SERTAD1: variants seen among roughly 807,000 people sequenced by gnomAD.
SERTAD1 encodes the protein SERTA domain-containing protein 1.
In SERTAD1, 5 loss-of-function variants were observed where a neutral mutation model predicts 11.7. The observed-to-expected ratio is 0.43, with a 90% CI of 0.22 to 0.90. The LOEUF (loss-of-function observed/expected upper bound fraction) is 0.90. SERTAD1 is among the 40% of genes least tolerant of loss of function. The pLI, the probability that SERTAD1 is intolerant of heterozygous loss-of-function variation, is 0.27. For missense variants in SERTAD1, 287 were observed against 313.9 expected, an observed-to-expected ratio of 0.91 and a Z score of 0.65; for synonymous variants, 139 against 141.4, an observed-to-expected ratio of 0.98 and a Z score of 0.12.
rs1412093015 is a variant in SERTAD1, at chr19:40,425,401, GC to G, written c.-1+465del. 2.6e-5 allele frequency among the ~76,000 whole-genome samples: 4 copies of G among 152,110 alleles called. No individual in the cohort carries two copies. In the East Asian group the frequency reaches 7.7e-4, roughly 29 times the overall value. ...GGGAGTCCGGAACCGCAGGAATTCCGCCCCCACCCCCGACTCCGCCCCCGGG... is the reference window on the plus strand; with the variant it reads ...GGGAGTCCGGAACCGCAGGAATTCCGCCCCACCCCCGACTCCGCCCCCGGG... On this transcript the variant is annotated intron_variant, in intron 1 of 1. Coordinates refer to ENST00000357949, the MANE Select transcript of SERTAD1 (RefSeq NM_013376.4).
In SERTAD1 at chr19:40,423,136, G is replaced by A. The variant is rs367871638; in HGVS notation, c.411C>T (p.Asp137=). Residue 137 remains aspartate, a synonymous_variant, in exon 2 of 2, where the codon GAC becomes GAT. Coordinates refer to ENST00000357949, the MANE Select transcript of SERTAD1 (RefSeq NM_013376.4). ...CGATGCTACGGCCTGGTGGCCCCTC[G>A]TCTGCCAAGGGTTGGGGAGCCTGAC... ...GLSQAPQPLA[D]EGPPGRSIGG... is the part of the protein sequence containing the mutation. 2.0e-5 allele frequency: 32 copies of A among 1,602,978 alleles called. No individual in the cohort carries two copies. The highest frequency in any genetic ancestry group is 6.8e-5 in the East Asian group (3 of 44,414).
intron 1 of SERTAD1, among the ~76,000 whole-genome samples, chr19:40,424,500 T>C (rs1179311857): frequency 6.6e-6 from 1 of 152,180 alleles, no homozygotes; most frequent in African/African-American, 2.4e-5. Flanking sequence ...TTAATATTTA[T>C]TGTCTACTAT....
Position 40,423,223 on chromosome 19 carries a change from G to A in SERTAD1, c.324C>T (p.Asp108=), listed in dbSNP as rs962889600. ...SVADNLLASS[D]AALSASMASL... ...TGGCCATGGAGGCTGAAAGGGCAGC[G>A]TCCGAGCTTGCCAGTAAGTTGTCAG... The change falls in exon 2 of 2, where the codon GAC becomes GAT. Residue 108 remains aspartate (D), a synonymous_variant. Coordinates refer to ENST00000357949, the MANE Select transcript of SERTAD1 (RefSeq NM_013376.4). 1.6e-5 allele frequency: 25 copies of A among 1,603,664 alleles called. No individual in the cohort carries two copies. The East Asian group carries it at 4.7e-4, about 30-fold the overall frequency.
chr19:40,423,233 G>T lies in SERTAD1; in HGVS notation c.314C>A (p.Ala105Glu). 1 of 1,605,842 alleles carries T rather than the reference G, an allele frequency of 6.2e-7. No individual in the cohort carries two copies. The highest frequency in any genetic ancestry group is 8.5e-7 in the Non-Finnish European group (1 of 1,175,146). The change falls in exon 2 of 2, where the codon GCA (alanine) becomes GAA (glutamate). Residue 105 changes from alanine to glutamate, a missense_variant. By Grantham distance (107) the Ala-to-Glu change is moderately radical. Coordinates refer to ENST00000357949, the MANE Select transcript of SERTAD1 (RefSeq NM_013376.4). ...GGCTGAAAGGGCAGCGTCCGAGCTTGCCAGTAAGTTGTCAGCCACACTGGG... is the reference window on the plus strand; with the variant it reads ...GGCTGAAAGGGCAGCGTCCGAGCTTTCCAGTAAGTTGTCAGCCACACTGGG... ...AAPSVADNLL[A>E]SSDAALSASM... is the part of the protein sequence containing the mutation.
Position 40,422,787 on chromosome 19 carries a change from A to G in SERTAD1, c.*49T>C. ...GTGTCTTTTCGAGGACAGTTGGTCC[A>G]GCCAGCAGGCTCAGTTCAGATACCA... On this transcript the variant is annotated 3_prime_UTR_variant, in exon 2 of 2. Coordinates refer to ENST00000357949, the MANE Select transcript of SERTAD1 (RefSeq NM_013376.4). 6.6e-7 allele frequency: 1 copy of G among 1,517,262 alleles called. No homozygotes were observed. The highest frequency in any genetic ancestry group is 1.3e-5 in the South Asian group (1 of 77,634). The allele number at this position is 1,517,262 out of a possible 1,614,324, so 94.0% of individuals were successfully genotyped here. A position where few individuals can be genotyped will look rare whatever the true frequency, so the allele number is the denominator to read the frequency against.
intron 1 of SERTAD1, among the ~76,000 whole-genome samples, chr19:40,425,541 C>A (rs898145841): frequency 1.3e-5 from 2 of 152,214 alleles, no homozygotes; most frequent in African/African-American, 4.8e-5. Flanking sequence ...TGCCGGCCTC[C>A]CGGCGCCGTG....
At position 40,422,909 on chromosome 19, in the gene SERTAD1, G is replaced by A. The variant is rs746610064; in HGVS notation, c.638C>T (p.Ala213Val). ...GKEEAPELDE[A>V]ELDYLMDVLV... ...CACATCCATGAGGTAGTCCAATTCG[G>A]CCTCGTCCAGCTCCGGAGCTTCCTC... The change falls in exon 2 of 2, where the codon GCC (alanine) becomes GTC (valine). Residue 213 changes from alanine (A) to valine (V), a missense_variant. Physicochemically the swap from Ala to Val is moderately conservative, Grantham distance 64 (BLOSUM62 0). Coordinates refer to ENST00000357949, the MANE Select transcript of SERTAD1 (RefSeq NM_013376.4). 3 of 1,613,040 alleles carry A rather than the reference G, an allele frequency of 1.9e-6. No homozygotes were observed. In the Admixed American group the frequency reaches 5.0e-5, roughly 27 times the overall value.
Position 40,423,293 on chromosome 19 carries a change from G to C in SERTAD1, c.254C>G (p.Ala85Gly). The C allele has an allele frequency of 6.2e-7, 1 of 1,607,914 alleles. No homozygotes were observed. The highest frequency in any genetic ancestry group is 2.2e-5 in the East Asian group (1 of 44,704). The change falls in exon 2 of 2, where the codon GCT becomes GGT. Residue 85 changes from alanine to glycine, a missense_variant. Physicochemically the swap from Ala to Gly is moderately conservative, Grantham distance 60. Coordinates refer to ENST00000357949, the MANE Select transcript of SERTAD1 (RefSeq NM_013376.4). ...TGGGCTAGGCACAGGTGGCAGGGCA[G>C]CCGCGGGTGCCATGGACGCCTGGAT... Reference protein sequence around the residue: ...RRIQASMAPAAALPPVPSPPA... With the variant: ...RRIQASMAPAGALPPVPSPPA...
chr19:40,423,163 C>T lies in SERTAD1; in HGVS notation c.384G>A (p.Leu128=), dbSNP rs775597230. The T allele has an allele frequency of 1.9e-6, 3 of 1,603,224 alleles. No individual in the cohort carries two copies. The highest frequency in any genetic ancestry group is 1.7e-5 in the Admixed American group (1 of 58,602). ...LLEDLSHIEG[L]SQAPQPLADE... is the part of the protein sequence containing the mutation. Reference sequence around the variant, plus strand: ...CTGCCAAGGGTTGGGGAGCCTGACTCAGGCCCTCAATGTGGCTGAGGTCCT... The same window carrying T: ...CTGCCAAGGGTTGGGGAGCCTGACTTAGGCCCTCAATGTGGCTGAGGTCCT... Residue 128 remains leucine, a synonymous_variant, in exon 2 of 2, where the codon CTG becomes CTA. Transcript: ENST00000357949.
In SERTAD1 at chr19:40,422,377, G is replaced by A. The variant is rs1374839605; in HGVS notation, c.*459C>T. ...TACCGATCTTGTAGGGCTGTTATAG[G>A]ATTAAATGAGTTAACACAGTGACGT... is the stretch of plus-strand genomic sequence containing the variant. On this transcript the variant is annotated 3_prime_UTR_variant, in exon 2 of 2. Transcript: ENST00000357949. 6.3e-6 allele frequency: 1 copy of A among 159,350 alleles called. No individual in the cohort carries two copies. Among genetic ancestry groups the A allele is most frequent in the African/African-American group, 2.4e-5 (1 of 41,648 alleles). 9.9% of individuals were successfully genotyped at this position (159,350 alleles called of 1,614,324 possible). A position where few individuals can be genotyped will look rare whatever the true frequency, so the allele number is the denominator to read the frequency against.
chr19:40,423,447 C>T lies in SERTAD1; in HGVS notation c.100G>A (p.Ala34Thr). The change falls in exon 2 of 2, where the codon GCA becomes ACA. Residue 34 changes from alanine to threonine, a missense_variant. Ala to Thr is a moderately conservative substitution (Grantham distance 58). Transcript: ENST00000357949. ...WWLDPGHTAV[A>T]QAPPAVASSS... ...GAGGCCACGGCCGGGGGTGCCTGTGCCACCGCTGTGTGGCCAGGATCTAGC... is the reference window on the plus strand; with the variant it reads ...GAGGCCACGGCCGGGGGTGCCTGTGTCACCGCTGTGTGGCCAGGATCTAGC... 6.2e-7 allele frequency: 1 copy of T among 1,613,110 alleles called. No homozygotes were observed. Among genetic ancestry groups the T allele is most frequent in the Non-Finnish European group, 8.5e-7 (1 of 1,180,016 alleles).
intron 1 of SERTAD1, 91 bp from the exon 2 acceptor site, chr19:40,423,637 G>C (rs1421010273): frequency 1.6e-5 from 13 of 838,116 alleles, no homozygotes; most frequent in Non-Finnish European, 2.4e-5. Flanking sequence ...CTGCAGGTAG[G>C]ATCTTGGGGA....
rs746610064 is a variant in SERTAD1 at position 40,422,909 on chromosome 19, G to T, written c.638C>A (p.Ala213Asp). The T allele has an allele frequency of 6.2e-7, 1 of 1,613,158 alleles. No individual in the cohort carries two copies. The highest frequency in any genetic ancestry group is 8.5e-7 in the Non-Finnish European group (1 of 1,179,674). The part of the protein sequence containing the change: ...GKEEAPELDE[A>D]ELDYLMDVLV... The stretch of plus-strand genomic sequence containing the variant: ...CACATCCATGAGGTAGTCCAATTCG[G>T]CCTCGTCCAGCTCCGGAGCTTCCTC... Residue 213 changes from alanine (A) to aspartate (D), a missense_variant, in exon 2 of 2, where the codon GCC (alanine) becomes GAC (aspartate). Transcript: ENST00000357949.
rs2079615429 is a variant in SERTAD1, at chr19:40,425,948, G to C, written c.-82C>G. ...AACGGCGGCGGCAGCATCGCTTGTT[G>C]GCTGTCCTCCGGAAACCCGCGCCTG... On this transcript the variant is annotated 5_prime_UTR_variant, in exon 1 of 2. Transcript: ENST00000357949. 1 of 152,288 alleles carries C rather than the reference G, an allele frequency of 6.6e-6. No individual in the cohort carries two copies. The highest frequency in any genetic ancestry group is 1.5e-5 in the Non-Finnish European group (1 of 68,102). 9.4% of individuals were successfully genotyped at this position (152,288 alleles called of 1,614,324 possible). A position where few individuals can be genotyped will look rare whatever the true frequency, so the allele number is the denominator to read the frequency against.
intron 1 of SERTAD1, 113 bp from the exon 2 acceptor site, chr19:40,423,659 C>A: frequency 1.6e-6 from 1 of 636,870 alleles, no homozygotes. Flanking sequence ...GTCACTTAAC[C>A]TCTCTGTGCC....
chr19:40,423,565 TATG>T lies in SERTAD1; in HGVS notation c.1-22_1-20del. The T allele has an allele frequency of 6.9e-7, 1 of 1,442,148 alleles. No individual in the cohort carries two copies. The highest frequency in any genetic ancestry group is 9.5e-7 in the Non-Finnish European group (1 of 1,050,184). 89.3% of individuals were successfully genotyped at this position (1,442,148 alleles called of 1,614,324 possible). ...TCAGCATCTGCAGAGGGCAGGGAGT[TATG>T]GAGTTATAGTCAGTTATAGAAAACA... On this transcript the variant is annotated intron_variant, in intron 1 of 1. Transcript: ENST00000357949.
chr19:40,425,762 A>C (rs4150988), intron 1 of SERTAD1, 105 bp downstream of exon 1: 1 of 152,128 alleles, frequency 6.6e-6, no homozygotes, highest in African/African-American at 2.4e-5. Context: ...GTGCGTCTCG[A>C]TCCCGGGCAG....
chr19:40,424,902 C>T (rs2079610849), intron 1 of SERTAD1, among the ~76,000 whole-genome samples: 1 of 152,078 alleles, frequency 6.6e-6, no homozygotes, highest in African/African-American at 2.4e-5. Context: ...GTGTGGTGGG[C>T]AGTCATTAAA....
At position 40,423,035 on chromosome 19, in the gene SERTAD1, T is replaced by TCA; in HGVS notation, c.510_511dup (p.Glu171ValfsTer112). On this transcript the variant is annotated frameshift_variant, in exon 2 of 2. Transcript: ENST00000357949. LOFTEE classifies it high-confidence loss of function. ...GGTGTCAATATCCTCAAACAGGCCC[T>TCA]CAAGCCCATCGTCCAGTAGACAGCC... 1 of 1,574,574 alleles carries TCA rather than the reference T, an allele frequency of 6.4e-7. No individual in the cohort carries two copies. The highest frequency in any genetic ancestry group is 1.2e-5 in the South Asian group (1 of 86,482).
Sources: allele counts gnomAD v4.1 joint callset (sites outside exome capture counted in the v4.1 genomes callset), GRCh38; gene constraint gnomAD v4.1.1; transcripts MANE v1.5; gene names NCBI Gene and HGNC (gene_info 2026-07-23, HGNC 2026-07-21).